Variants in KCTD19 observed in about 807,000 individuals in gnomAD.
KCTD19 encodes the protein potassium channel tetramerization domain containing 19.
Under a neutral mutation model 103.5 loss-of-function variants are expected in KCTD19, and 67 were observed. The ratio of observed to expected loss-of-function variants is 0.65; its 90% CI spans 0.53 to 0.79. The LOEUF (loss-of-function observed/expected upper bound fraction) is 0.79, where lower values mean the gene tolerates loss of function less well. KCTD19 is among the 30% of genes least tolerant of loss of function. The probability of loss-of-function intolerance (pLI) is 0.00; values close to 1 mark genes in which losing one functional copy is unlikely to be tolerated. For missense variants in KCTD19, 980 were observed against 1,136.1 expected (o/e 0.86, Z 1.98); for synonymous variants, 439 against 452.2 (o/e 0.97, Z 0.37).
intron 15 of KCTD19, 87 bp from the exon 16 acceptor site, chr16:67,289,769 G>T: frequency 1.0e-6 from 1 of 955,214 alleles, no homozygotes; most frequent in Non-Finnish European, 1.7e-6. Context: ...CATTGGGGCA[G>T]GGACAGGGCA....
At chr16:67,314,677 C>T (rs1158566400) in intron 2 of KCTD19, among the ~76,000 whole-genome samples, 20 of 151,442 alleles carry the variant, frequency 1.3e-4, no homozygotes, top group Admixed American at 1.3e-3. Context: ...CTCGGCCTCC[C>T]AAAGTGCTGG....
At position 67,301,820 on chromosome 16, in the gene KCTD19, T is replaced by C. The variant is rs752137232; in HGVS notation, c.746A>G (p.Glu249Gly). The change falls in exon 5 of 16, where the codon GAA becomes GGA. Residue 249 changes from glutamate (E) to glycine (G), a missense_variant. Glu to Gly is a moderately conservative substitution (Grantham distance 98). Transcript: ENST00000304372. The stretch of plus-strand genomic sequence containing the variant: ...GTTCATCCGGTACCACCTTACGGCT[T>C]CAGTGAGTGCAGGGATTTCCAGAAT... Reference protein sequence around the residue: ...VEILEIPALTEAVRWYRMNMG... With the variant: ...VEILEIPALTGAVRWYRMNMG... The C allele has an allele frequency of 6.2e-7, 1 of 1,614,072 alleles. No individual in the cohort carries two copies. Among genetic ancestry groups the C allele is most frequent in the Non-Finnish European group, 8.5e-7 (1 of 1,179,950 alleles).
chr16:67,292,212 C>G (rs777881660), intron 12 of KCTD19, among the ~76,000 whole-genome samples: 3 of 152,156 alleles, frequency 2.0e-5, no homozygotes, highest in Non-Finnish European at 4.4e-5. Context: ...TAAGCAGGGA[C>G]TCTCCTTAAG....
intron 6 of KCTD19, among the ~76,000 whole-genome samples, chr16:67,298,595 G>T (rs1567449062): frequency 6.6e-6 from 1 of 152,130 alleles, no homozygotes; most frequent in Non-Finnish European, 1.5e-5. Context: ...CAAGGCACTT[G>T]TCTTTGCCCT....
intron 2 of KCTD19, among the ~76,000 whole-genome samples, chr16:67,310,625 T>C (rs900879311): frequency 1.3e-5 from 2 of 152,154 alleles, no homozygotes; most frequent in African/African-American, 4.8e-5. Context: ...TGAAAAAATA[T>C]GTCAATCAGA....
intron 2 of KCTD19, among the ~76,000 whole-genome samples, chr16:67,306,460 T>G (rs1233703429): frequency 1.3e-5 from 2 of 152,188 alleles, no homozygotes; most frequent in African/African-American, 4.8e-5. Context: ...GAGATGGGGT[T>G]TCACCATGTT....
intron 2 of KCTD19, among the ~76,000 whole-genome samples, chr16:67,304,774 C>T (rs1300194769): frequency 6.6e-6 from 1 of 152,014 alleles, no homozygotes; most frequent in Non-Finnish European, 1.5e-5. Context: ...AGCGATTCTC[C>T]TGCCTCAGCC....
chr16:67,304,597 T>C, intron 2 of KCTD19, 26 bp from the exon 3 acceptor site: 1 of 1,600,972 alleles, frequency 6.2e-7, no homozygotes, highest in Non-Finnish European at 8.6e-7. Flanking sequence ...GAGTACTATC[T>C]TGAGAATCTA....
intron 8 of KCTD19, chr16:67,295,754 T>G (rs1441496401): frequency 3.1e-6 from 1 of 323,326 alleles, no homozygotes; most frequent in South Asian, 3.9e-5. Context: ...CTGTTTTGTT[T>G]TGTTTTTTGA....
At chr16:67,308,707 TTC>T (rs2036919766) in intron 2 of KCTD19, among the ~76,000 whole-genome samples, 1 of 152,116 alleles carries the variant, frequency 6.6e-6, no homozygotes, top group Admixed American at 6.6e-5. Flanking sequence ...ACACTTTCAC[TTC>T]TCTCTGCAGG....
intron 2 of KCTD19, among the ~76,000 whole-genome samples, chr16:67,313,958 A>G (rs1471361695): frequency 2.0e-5 from 3 of 151,414 alleles, no homozygotes; most frequent in Admixed American, 2.0e-4. Context: ...CTGGGCTCAT[A>G]TGATCCTCTG....
intron 14 of KCTD19, 101 bp from the exon 15 acceptor site, chr16:67,291,087 G>C: frequency 7.6e-7 from 1 of 1,318,958 alleles, no homozygotes; most frequent in South Asian, 1.3e-5. Flanking sequence ...AGCCACAGGG[G>C]TAGGGGGCGG....
At position 67,320,528 on chromosome 16, in the gene KCTD19, T is replaced by C. The variant is rs939191119; in HGVS notation, c.300+61A>G. ...GCAACCAATATATAACAGGAAACAA[T>C]ATTTAGTGATGTAAAGCCATGTTAC... On this transcript the variant is annotated intron_variant, in intron 2 of 15. Coordinates refer to ENST00000304372, the MANE Select transcript of KCTD19 (RefSeq NM_001100915.3). This position sits in a 1 kb window ranked among gnomAD's most constrained non-coding sequence, Gnocchi z 4.0. 88 of 1,501,848 alleles carry C rather than the reference T, an allele frequency of 5.9e-5. No homozygotes were observed. The highest frequency in any genetic ancestry group is 4.5e-5 in the Non-Finnish European group (49 of 1,098,040). The allele number at this position is 1,501,848 out of a possible 1,614,324, so 93.0% of individuals were successfully genotyped here. A position where few individuals can be genotyped will look rare whatever the true frequency, so the allele number is the denominator to read the frequency against.
intron 2 of KCTD19, among the ~76,000 whole-genome samples, chr16:67,308,909 G>A (rs975152764): frequency 2.2e-4 from 34 of 152,148 alleles, no homozygotes; most frequent in African/African-American, 7.7e-4. Flanking sequence ...GAGCTGGGCC[G>A]ATCACTTGAG....
chr16:67,318,068 AAAT>A (rs2037031282), intron 2 of KCTD19, among the ~76,000 whole-genome samples: 1 of 152,234 alleles, frequency 6.6e-6, no homozygotes, highest in Non-Finnish European at 1.5e-5. Context: ...CTGCTTCAAG[AAAT>A]AAACACCATT....
chr16:67,305,687 T>C (rs1006671875), intron 2 of KCTD19: 29 of 438,828 alleles, frequency 6.6e-5, no homozygotes, highest in Non-Finnish European at 1.1e-4. Flanking sequence ...AGAAGATACA[T>C]AGTATTTTCC....
chr16:67,294,310 T>G lies in KCTD19; in HGVS notation c.1591-139A>C, dbSNP rs2036738692. 7 of 995,952 alleles carry G rather than the reference T, an allele frequency of 7.0e-6. 1 individual carries two copies. The South Asian group carries it at 1.1e-4, about 16-fold the overall frequency. 61.7% of individuals were successfully genotyped at this position (995,952 alleles called of 1,614,324 possible). A position where few individuals can be genotyped will look rare whatever the true frequency, so the allele number is the denominator to read the frequency against. The stretch of plus-strand genomic sequence containing the variant: ...CCATCCCTGACAGGGGTCACCCATT[T>G]GAGCTTTGCTCAGGCTGAGTGGGGA... On this transcript the variant is annotated intron_variant, in intron 11 of 15. Coordinates refer to ENST00000304372, the MANE Select transcript of KCTD19 (RefSeq NM_001100915.3).
At chr16:67,301,464 G>C (rs1024669147) in intron 5 of KCTD19, 3 of 209,604 alleles carry the variant, frequency 1.4e-5, no homozygotes, top group African/African-American at 7.0e-5. Context: ...GACCTCCCCT[G>C]CCCCTGAGAA....
chr16:67,294,685 A>C lies in KCTD19; in HGVS notation c.1485T>G (p.Thr495=). The change falls in exon 11 of 16, where the codon ACT becomes ACG. Residue 495 remains threonine (T), a synonymous_variant. Transcript: ENST00000304372. ...LAQCEAYKSW[T]QEKESENEEA... is the part of the protein sequence containing the mutation. ...CTTCATTTTCAGATTCTTTCTCCTG[A>C]GTCCATGACCTGCAGAAACCAAGAG... 1.2e-6 allele frequency: 2 copies of C among 1,613,378 alleles called. No homozygotes were observed. The highest frequency in any genetic ancestry group is 1.1e-5 in the South Asian group (1 of 91,060).
Sources: allele counts gnomAD v4.1 joint callset (sites outside exome capture counted in the v4.1 genomes callset), GRCh38; gene constraint gnomAD v4.1.1; non-coding constraint Gnocchi (gnomAD v3.1); transcripts MANE v1.5; gene names NCBI Gene and HGNC (gene_info 2026-07-23, HGNC 2026-07-21).